The following PEX16 variants were observed in gnomAD, a reference collection of about 807,000 sequenced individuals.
The protein encoded by PEX16 is peroxin 16.
In PEX16, 37 loss-of-function variants were observed where a neutral mutation model predicts 50.5. The ratio of observed to expected loss-of-function variants is 0.73; its 90% CI spans 0.56 to 0.96. The LOEUF is 0.96. Ranked by LOEUF, PEX16 falls within the 40% of genes least tolerant of loss-of-function variation. PEX16 has a pLI of 0.00. For synonymous variants in PEX16, 185 were observed against 190.3 expected, an observed-to-expected ratio of 0.97 and a Z score of 0.23; for missense variants, 401 against 438.3, an observed-to-expected ratio of 0.91 and a Z score of 0.76.
intron 10 of PEX16, among the ~76,000 whole-genome samples, chr11:45,910,524 G>C (rs2086766237): frequency 6.6e-6 from 1 of 152,228 alleles, no homozygotes; most frequent in East Asian, 1.9e-4. Flanking sequence ...AGGGGCCTGA[G>C]TCAGGTCCAG....
chr11:45,917,496 G>C lies in PEX16; in HGVS notation c.113-3C>G. 6.2e-7 allele frequency: 1 copy of C among 1,614,030 alleles called. No individual in the cohort carries two copies. The highest frequency in any genetic ancestry group is 8.5e-7 in the Non-Finnish European group (1 of 1,179,970). On this transcript the variant is annotated splice_region_variant and splice_polypyrimidine_tract_variant and intron_variant, in intron 1 of 10. Transcript: ENST00000378750. ...CTCGTGCGAATCGGCGAATCGACCT[G>C]GGGAGAGGGTACAGAAGGAGGTGTG... is the stretch of plus-strand genomic sequence containing the variant.
Position 45,913,886 on chromosome 11 carries a change from G to T in PEX16, c.820C>A (p.Leu274Met), listed in dbSNP as rs751273439. 55 of 1,610,242 alleles carry T rather than the reference G, an allele frequency of 3.4e-5. No homozygotes were observed. Among genetic ancestry groups the T allele is most frequent in the Non-Finnish European group, 4.6e-5 (54 of 1,179,268 alleles). The change falls in exon 9 of 11, where the codon CTG (leucine) becomes ATG (methionine). Residue 274 changes from leucine to methionine, a missense_variant. Coordinates refer to ENST00000378750, the MANE Select transcript of PEX16 (RefSeq NM_004813.4). ...KGLTRRERRELRRRTILLLYY... is the reference protein window; with the variant it reads ...KGLTRRERREMRRRTILLLYY... ...AGCAGCAGGATGGTCCGGCGCCGCA[G>T]CTCCCGCCGCTCCCTCCGGGTCAGG... is the stretch of plus-strand genomic sequence containing the variant.
intron 9 of PEX16, among the ~76,000 whole-genome samples, chr11:45,912,871 G>A (rs576181754): frequency 6.6e-6 from 1 of 151,900 alleles, no homozygotes; most frequent in Admixed American, 6.6e-5. Context: ...CTGTCACCCA[G>A]GCTAGAGTGG....
In PEX16 at chr11:45,914,387, G is replaced by A. The variant is rs201173264; in HGVS notation, c.623C>T (p.Ala208Val). 24 of 1,610,098 alleles carry A rather than the reference G, an allele frequency of 1.5e-5. No individual in the cohort carries two copies. The East Asian group carries it at 3.1e-4, about 21-fold the overall frequency. Reference sequence around the variant, plus strand: ...CTGCAGCCCCAGGGGGGTGGGGGTCGCACTCAGCTCCTCGTGATGCTGCTG... The same window carrying A: ...CTGCAGCCCCAGGGGGGTGGGGGTCACACTCAGCTCCTCGTGATGCTGCTG... ...RQQQHHEELS[A>V]TPTPLGLQET... is the part of the protein sequence containing the mutation. Residue 208 changes from alanine (A) to valine (V), a missense_variant, in exon 7 of 11, where the codon GCG becomes GTG. By Grantham distance (64) the Ala-to-Val change is moderately conservative. Coordinates refer to ENST00000378750, the MANE Select transcript of PEX16 (RefSeq NM_004813.4).
chr11:45,914,735 G>A (rs368828227), intron 5 of PEX16, 51 bp from the exon 6 acceptor site: 61 of 1,493,404 alleles, frequency 4.1e-5, no homozygotes, highest in Middle Eastern at 1.7e-4. Context: ...TGCTTCCAGC[G>A]GAGCCTGCAA....
At chr11:45,917,088 A>C (rs2086844251) in intron 2 of PEX16, 1 of 561,238 alleles carries the variant, frequency 1.8e-6, no homozygotes, top group Non-Finnish European at 3.4e-6. Context: ...TCTAGACTTG[A>C]ATCTTGGTTC....
At chr11:45,917,103 A>C (rs1212590546) in intron 2 of PEX16, 1 of 584,832 alleles carries the variant, frequency 1.7e-6, no homozygotes, top group Admixed American at 2.2e-5. Flanking sequence ...TGGTTCTGGG[A>C]CCATCAGTGA....
Position 45,909,699 on chromosome 11 carries a change from A to G in PEX16, c.*555T>C, listed in dbSNP as rs2086754449. 1 of 283,276 alleles carries G rather than the reference A, an allele frequency of 3.5e-6. No individual in the cohort carries two copies. The highest frequency in any genetic ancestry group is 6.9e-6 in the Non-Finnish European group (1 of 145,854). 17.5% of individuals were successfully genotyped at this position (283,276 alleles called of 1,614,324 possible). On this transcript the variant is annotated 3_prime_UTR_variant, in exon 11 of 11. Transcript: ENST00000378750. ...GAGAAAAGCCTTTTACTCTCAACCG[A>G]GGATGCAGGGCTTAAAGTGCCACTT... is the stretch of plus-strand genomic sequence containing the variant.
rs1434495944 is a variant in PEX16 at position 45,914,336 on chromosome 11, A to G, written c.674T>C (p.Ile225Thr). 2 of 1,612,764 alleles carry G rather than the reference A, an allele frequency of 1.2e-6. No homozygotes were observed. Among genetic ancestry groups the G allele is most frequent in the Non-Finnish European group, 1.7e-6 (2 of 1,180,026 alleles). The change falls in exon 7 of 11, where the codon ATT (isoleucine) becomes ACT (threonine). Residue 225 changes from isoleucine (I) to threonine (T), a missense_variant. Coordinates refer to ENST00000378750, the MANE Select transcript of PEX16 (RefSeq NM_004813.4). ...GATACAGTGCAGCAGCGGCCGGGCAATGTACAAAAACTCTGCGATGGTCTC... is the reference window on the plus strand; with the variant it reads ...GATACAGTGCAGCAGCGGCCGGGCAGTGTACAAAAACTCTGCGATGGTCTC... ...LQETIAEFLY[I>T]ARPLLHLLSL... is the part of the protein sequence containing the mutation.
intron 9 of PEX16, among the ~76,000 whole-genome samples, chr11:45,912,595 C>G (rs2086790325): frequency 6.6e-6 from 1 of 152,130 alleles, no homozygotes; most frequent in Non-Finnish European, 1.5e-5. Flanking sequence ...CCTCTGCCTC[C>G]TGGGTTCAAG....
chr11:45,913,416 G>A (rs1197145749), intron 9 of PEX16, among the ~76,000 whole-genome samples: 1 of 152,214 alleles, frequency 6.6e-6, no homozygotes, highest in Non-Finnish European at 1.5e-5. Context: ...TCTACCACTG[G>A]CTAGCTGGGT....
intron 6 of PEX16, 48 bp from the exon 7 acceptor site, chr11:45,914,516 A>G: frequency 6.2e-7 from 1 of 1,611,128 alleles, no homozygotes; most frequent in Non-Finnish European, 8.5e-7. Flanking sequence ...AGGCTGGGGC[A>G]GGGGAAGGTG....
At chr11:45,912,833 T>A (rs2086792621) in intron 9 of PEX16, among the ~76,000 whole-genome samples, 1 of 150,988 alleles carries the variant, frequency 6.6e-6, no homozygotes, top group South Asian at 2.1e-4. Flanking sequence ...TTTTTTTCTG[T>A]TTTGTTTTTT....
At chr11:45,915,184 G>A (rs1266702804) in intron 5 of PEX16, among the ~76,000 whole-genome samples, 2 of 152,246 alleles carry the variant, frequency 1.3e-5, no homozygotes, top group African/African-American at 4.8e-5. Flanking sequence ...TCTGGACACA[G>A]AACCAGGCTC....
intron 6 of PEX16, 58 bp from the exon 7 acceptor site, chr11:45,914,526 G>A: frequency 6.2e-7 from 1 of 1,611,358 alleles, no homozygotes; most frequent in Non-Finnish European, 8.5e-7. Flanking sequence ...AGGGGAAGGT[G>A]GCTGCTGACC....
intron 9 of PEX16, among the ~76,000 whole-genome samples, chr11:45,912,225 G>A (rs984662791): frequency 1.3e-5 from 2 of 152,052 alleles, no homozygotes; most frequent in Non-Finnish European, 2.9e-5. Context: ...CAGGCCAGGC[G>A]CGGTGGCTCA....
At chr11:45,914,046 G>A in intron 8 of PEX16, 85 bp downstream of exon 8, 1 of 1,568,940 alleles carries the variant, frequency 6.4e-7, no homozygotes, top group Non-Finnish European at 8.7e-7. Flanking sequence ...GAGGAGCAGG[G>A]GCCGCTGCCA....
At chr11:45,917,291 T>C (rs1035304305) in intron 2 of PEX16, 167 bp downstream of exon 2, 61 of 702,620 alleles carry the variant, frequency 8.7e-5, no homozygotes, top group Non-Finnish European at 8.7e-5. Context: ...CTTAGGGACA[T>C]GGAGGGCCCA....
chr11:45,910,868 TAC>T, intron 10 of PEX16, 28 bp downstream of exon 10: 2 of 1,603,252 alleles, frequency 1.2e-6, no homozygotes, highest in South Asian at 1.1e-5. Flanking sequence ...CTTCCAGCAC[TAC>T]AGTCATCGCG....
Sources: gnomAD v4.1 joint callset for allele counts (sites outside exome capture counted in the v4.1 genomes callset) on GRCh38, gnomAD v4.1.1 for gene constraint, MANE v1.5 for transcripts, NCBI Gene and HGNC (gene_info 2026-07-23, HGNC 2026-07-21) for gene names.